The following RANBP2 variants were observed in gnomAD, a reference collection of about 807,000 sequenced individuals.
RANBP2 encodes E3 SUMO-protein ligase RanBP2.
A neutral mutation model predicts 303.6 loss-of-function variants in RANBP2; 57 were observed. That is an observed-to-expected ratio of 0.19 (90% CI 0.15 to 0.23). RANBP2 has a LOEUF of 0.23. Ranked by LOEUF, RANBP2 falls within the 10% of genes least tolerant of loss-of-function variation. RANBP2 has a pLI of 1.00. For synonymous variants in RANBP2, 1,167 were observed against 1,301.5 expected (o/e 0.90, Z 2.23); for missense variants, 3,138 against 3,780.8 (o/e 0.83, Z 4.46).
the RANBP2 span, among the ~76,000 whole-genome samples, chr2:109,691,467 G>A: frequency 6.6e-6 from 1 of 152,174 alleles, no homozygotes; most frequent in African/African-American, 2.4e-5. Flanking sequence ...TTCTGAGCTG[G>A]ATCCAAGCAG....
At chr2:108,954,782 T>C in the RANBP2 span, among the ~76,000 whole-genome samples, 2 of 152,024 alleles carry the variant, frequency 1.3e-5, no homozygotes, top group South Asian at 4.2e-4. Context: ...TTCAAGCGAT[T>C]CTCCTGTCTC....
At chr2:109,515,857 T>G in the RANBP2 span, among the ~76,000 whole-genome samples, 1 of 151,892 alleles carries the variant, frequency 6.6e-6, no homozygotes, top group Non-Finnish European at 1.5e-5. Flanking sequence ...GAGCAAGAGC[T>G]CACTCATTAC....
chr2:109,166,459 G>GGAAAAAA, the RANBP2 span, among the ~76,000 whole-genome samples: 1 of 134,326 alleles, frequency 7.4e-6, no homozygotes, highest in Admixed American at 7.6e-5. Flanking sequence ...CCTGGTGACA[G>GGAAAAAA]AAAAAAAAAA....
the RANBP2 span, among the ~76,000 whole-genome samples, chr2:108,811,447 T>C: frequency 4.6e-5 from 7 of 151,922 alleles, no homozygotes; most frequent in Non-Finnish European, 8.8e-5. Flanking sequence ...GGTCTTATTG[T>C]GTTGCTGAGG....
At chr2:109,498,302 C>T in the RANBP2 span, among the ~76,000 whole-genome samples, 1 of 152,180 alleles carries the variant, frequency 6.6e-6, no homozygotes, top group Non-Finnish European at 1.5e-5. Context: ...CTGGCCTGTT[C>T]TGCTTCCCCA....
chr2:109,314,020 G>A, the RANBP2 span, among the ~76,000 whole-genome samples: 1 of 152,168 alleles, frequency 6.6e-6, no homozygotes, highest in Non-Finnish European at 1.5e-5. Context: ...CAGGCTGTGG[G>A]ACACTGGACA....
At chr2:108,807,725 C>G in the RANBP2 span, among the ~76,000 whole-genome samples, 1 of 152,154 alleles carries the variant, frequency 6.6e-6, no homozygotes, top group Non-Finnish European at 1.5e-5. Flanking sequence ...TCAAGCGATT[C>G]TCCTGCCTCA....
the RANBP2 span, among the ~76,000 whole-genome samples, chr2:108,951,420 G>A: frequency 6.6e-6 from 1 of 152,220 alleles, no homozygotes; most frequent in East Asian, 1.9e-4. Flanking sequence ...AGAAAGGCCA[G>A]GATGTCTTAT....
the RANBP2 span, among the ~76,000 whole-genome samples, chr2:109,477,932 G>A: frequency 6.6e-6 from 1 of 152,192 alleles, no homozygotes; most frequent in African/African-American, 2.4e-5. Context: ...GCATGGACCT[G>A]CAGGAAAGAT....
At chr2:109,590,422 T>TC in the RANBP2 span, among the ~76,000 whole-genome samples, 74 of 142,426 alleles carry the variant, frequency 5.2e-4, 1 homozygote, top group East Asian at 0.013. Flanking sequence ...ATGAGGTAAA[T>TC]CCTTTTTTTT....
the RANBP2 span, among the ~76,000 whole-genome samples, chr2:109,106,852 A>C: frequency 6.6e-6 from 1 of 152,138 alleles, no homozygotes; most frequent in African/African-American, 2.4e-5. Flanking sequence ...AAAAAAGAAA[A>C]GAAGAGAAAA....
At chr2:109,575,177 T>G in the RANBP2 span, among the ~76,000 whole-genome samples, 6 of 152,294 alleles carry the variant, frequency 3.9e-5, no homozygotes, top group African/African-American at 1.4e-4. Flanking sequence ...ACATGCTGGG[T>G]CCCTTTCTGA....
At chr2:109,647,456 C>T in the RANBP2 span, among the ~76,000 whole-genome samples, 2 of 151,720 alleles carry the variant, frequency 1.3e-5, no homozygotes, top group Admixed American at 6.6e-5. Flanking sequence ...GCCACCACAC[C>T]CGGCCCTCTC....
At chr2:109,109,814 T>A in the RANBP2 span, among the ~76,000 whole-genome samples, 1 of 152,170 alleles carries the variant, frequency 6.6e-6, no homozygotes. Context: ...AAGATAGTAG[T>A]CTTGGAATGA....
the RANBP2 span, among the ~76,000 whole-genome samples, chr2:109,271,055 G>T: frequency 6.6e-6 from 1 of 152,208 alleles, no homozygotes; most frequent in Non-Finnish European, 1.5e-5. Flanking sequence ...GTATACATTA[G>T]TCTAAGGCGG....
chr2:109,238,865 T>C, the RANBP2 span, among the ~76,000 whole-genome samples: 2 of 152,160 alleles, frequency 1.3e-5, no homozygotes, highest in African/African-American at 4.8e-5. Context: ...CCCTTCTCTC[T>C]GTCCCAAGGG....
the RANBP2 span, among the ~76,000 whole-genome samples, chr2:109,234,608 T>G: frequency 1.3e-5 from 2 of 152,356 alleles, no homozygotes; most frequent in Non-Finnish European, 2.9e-5. Context: ...AATAAATGTT[T>G]GTTTCTCATT....
the RANBP2 span, among the ~76,000 whole-genome samples, chr2:109,702,967 A>T: frequency 6.6e-6 from 1 of 152,078 alleles, no homozygotes; most frequent in Non-Finnish European, 1.5e-5. Context: ...CTAACCTCAT[A>T]ATAGCATGAT....
the RANBP2 span, among the ~76,000 whole-genome samples, chr2:109,694,417 T>C: frequency 2.0e-5 from 3 of 151,554 alleles, no homozygotes; most frequent in East Asian, 5.8e-4. Context: ...TTTTTTTTTT[T>C]TTTTTGAGAT....
Sources: allele counts gnomAD v4.1 joint callset (sites outside exome capture counted in the v4.1 genomes callset), GRCh38; gene constraint gnomAD v4.1.1; transcripts MANE v1.5; gene names NCBI Gene and HGNC (gene_info 2026-07-23, HGNC 2026-07-21).